EHHADH: variants seen among roughly 807,000 people sequenced by gnomAD.
EHHADH encodes the protein peroxisomal bifunctional enzyme.
In EHHADH, 48 loss-of-function variants were observed where a neutral mutation model predicts 64.4. The observed-to-expected ratio is 0.75, with a 90% CI of 0.59 to 0.95. EHHADH has a LOEUF of 0.95. Ranked by LOEUF, EHHADH falls within the 40% of genes least tolerant of loss-of-function variation. EHHADH has a pLI of 0.00. For synonymous variants in EHHADH, 308 were observed against 326.7 expected (o/e 0.94, Z 0.62); for missense variants, 854 against 876.6 (o/e 0.97, Z 0.33).
chr3:185,217,468 C>T (rs1718710270), intron 5 of EHHADH, among the ~76,000 whole-genome samples: 2 of 150,332 alleles, frequency 1.3e-5, no homozygotes, highest in Admixed American at 6.7e-5. Context: ...ATCACTTGAA[C>T]CCAGGAGGCA....
chr3:185,229,605 A>T lies in EHHADH; in HGVS notation c.352-62T>A, dbSNP rs74518275. 4.9e-4 allele frequency: 526 copies of T among 1,063,634 alleles called. 5 individuals are homozygous for T. The African/African-American group carries it at 6.8e-3, about 14-fold the overall frequency. 65.9% of individuals were successfully genotyped at this position (1,063,634 alleles called of 1,614,324 possible). A position where few individuals can be genotyped will look rare whatever the true frequency, so the allele number is the denominator to read the frequency against. Reference sequence around the variant, plus strand: ...AGATGGTATGTTCAGAGTTAAGGCAAGCGTTTCCCTGGATTTCCTGTATTC... The same window carrying T: ...AGATGGTATGTTCAGAGTTAAGGCATGCGTTTCCCTGGATTTCCTGTATTC... On this transcript the variant is annotated intron_variant, in intron 3 of 6. Coordinates refer to ENST00000231887, the MANE Select transcript of EHHADH (RefSeq NM_001966.4).
At chr3:185,248,581 T>C in intron 1 of EHHADH, 64 bp from the exon 2 acceptor site, 1 of 1,250,332 alleles carries the variant, frequency 8.0e-7, no homozygotes, top group Non-Finnish European at 1.1e-6. Context: ...TTCAGAGTGT[T>C]TTCCTTTCCT....
chr3:185,208,568 G>A (rs1222047004), intron 5 of EHHADH, among the ~76,000 whole-genome samples: 1 of 152,198 alleles, frequency 6.6e-6, no homozygotes, highest in Non-Finnish European at 1.5e-5. Context: ...CTCATACGTT[G>A]CTTCTGAGAG....
At chr3:185,219,488 C>A (rs1718779287) in intron 4 of EHHADH, among the ~76,000 whole-genome samples, 1 of 152,186 alleles carries the variant, frequency 6.6e-6, no homozygotes, top group South Asian at 2.1e-4. Context: ...CATTGGCATC[C>A]TCCAGTACAG....
At chr3:185,240,230 T>G (rs538709646) in intron 2 of EHHADH, among the ~76,000 whole-genome samples, 42 of 152,064 alleles carry the variant, frequency 2.8e-4, no homozygotes, top group Non-Finnish European at 5.3e-4. Flanking sequence ...TTTTGTTTTT[T>G]TTTTTTCTTG....
chr3:185,199,867 C>T (rs1718175996), intron 6 of EHHADH, among the ~76,000 whole-genome samples: 1 of 152,172 alleles, frequency 6.6e-6, no homozygotes, highest in Admixed American at 6.5e-5. Flanking sequence ...TGCCTCGGCC[C>T]CCCTAGTGGC....
intron 6 of EHHADH, among the ~76,000 whole-genome samples, chr3:185,200,931 A>G (rs1244035307): frequency 6.6e-6 from 1 of 152,194 alleles, no homozygotes; most frequent in African/African-American, 2.4e-5. Context: ...AGGGCAATGA[A>G]TCATGGAGTT....
At chr3:185,228,365 T>C (rs929631102) in intron 4 of EHHADH, among the ~76,000 whole-genome samples, 4 of 148,050 alleles carry the variant, frequency 2.7e-5, no homozygotes, top group African/African-American at 7.4e-5. Context: ...CATTCTCTAT[T>C]GAGAAAGAAC....
chr3:185,248,940 A>G (rs1388804704), intron 1 of EHHADH, among the ~76,000 whole-genome samples: 1 of 152,226 alleles, frequency 6.6e-6, no homozygotes, highest in African/African-American at 2.4e-5. Flanking sequence ...ACAAAGAAAA[A>G]GTGATGTTGA....
At chr3:185,225,002 G>A (rs1391528916) in intron 4 of EHHADH, among the ~76,000 whole-genome samples, 1 of 152,188 alleles carries the variant, frequency 6.6e-6, no homozygotes, top group African/African-American at 2.4e-5. Context: ...GGACATCTTT[G>A]GGGGCCAGAT....
chr3:185,219,112 AG>A, intron 4 of EHHADH, among the ~76,000 whole-genome samples: 1 of 152,236 alleles, frequency 6.6e-6, no homozygotes, highest in Admixed American at 6.5e-5. Context: ...AAAAAAATTA[AG>A]TTGACATTCT....
Position 185,246,482 on chromosome 3 carries a change from A to G in EHHADH, c.178+1932T>C, listed in dbSNP as rs78024896. 2,201 of 366,992 alleles carry G rather than the reference A, an allele frequency of 6.0e-3. 63 individuals carry two copies. Among genetic ancestry groups the G allele is most frequent in the African/African-American group, 0.045 (2,061 of 46,026 alleles). 22.7% of individuals were successfully genotyped at this position (366,992 alleles called of 1,614,324 possible). On this transcript the variant is annotated intron_variant, in intron 2 of 6. Transcript: ENST00000231887. ...GGGCTCCGCATGGATGGGAAGTCAGACAGGTCAGCCCCCAGGCCCCGTGGC... is the reference window on the plus strand; with the variant it reads ...GGGCTCCGCATGGATGGGAAGTCAGGCAGGTCAGCCCCCAGGCCCCGTGGC...
chr3:185,212,486 ACCATTGGAAATT>A (rs1417202079), intron 5 of EHHADH, among the ~76,000 whole-genome samples: 2 of 152,204 alleles, frequency 1.3e-5, no homozygotes, highest in African/African-American at 2.4e-5. Context: ...TGGAACCTTG[ACCATTGGAAATT>A]CCCTTTTCTC....
chr3:185,210,654 G>A (rs1233967827), intron 5 of EHHADH, among the ~76,000 whole-genome samples: 3 of 151,310 alleles, frequency 2.0e-5, no homozygotes, highest in East Asian at 3.9e-4. Flanking sequence ...AAAAAAAAGG[G>A]AATATTTAAA....
At chr3:185,219,647 G>T (rs776272533) in intron 4 of EHHADH, among the ~76,000 whole-genome samples, 1 of 152,106 alleles carries the variant, frequency 6.6e-6, no homozygotes, top group Non-Finnish European at 1.5e-5. Flanking sequence ...CCTACCCCAG[G>T]GTCAGAAGGA....
At chr3:185,198,005 C>T (rs754492058) in intron 6 of EHHADH, among the ~76,000 whole-genome samples, 3 of 152,142 alleles carry the variant, frequency 2.0e-5, no homozygotes, top group Non-Finnish European at 2.9e-5. Flanking sequence ...CCATGTTGGT[C>T]AGGCTGGTCT....
intron 4 of EHHADH, among the ~76,000 whole-genome samples, chr3:185,222,719 A>G (rs1037813859): frequency 6.6e-6 from 1 of 152,178 alleles, no homozygotes; most frequent in African/African-American, 2.4e-5. Context: ...ACGAAAATAG[A>G]TCTGATCTCA....
At chr3:185,204,259 T>A (rs1214805858) in intron 6 of EHHADH, among the ~76,000 whole-genome samples, 157 bp downstream of exon 6, 1 of 151,934 alleles carries the variant, frequency 6.6e-6, no homozygotes, top group Non-Finnish European at 1.5e-5. Flanking sequence ...AGGCCTCTCA[T>A]GTTAAAGAAG....
chr3:185,234,221 TCTAA>T (rs1179591840), intron 3 of EHHADH, among the ~76,000 whole-genome samples: 1 of 152,198 alleles, frequency 6.6e-6, no homozygotes, highest in Non-Finnish European at 1.5e-5. Flanking sequence ...ATCTGACATG[TCTAA>T]CAGCCTAAAT....
Sources: allele counts gnomAD v4.1 joint callset (sites outside exome capture counted in the v4.1 genomes callset), GRCh38; gene constraint gnomAD v4.1.1; transcripts MANE v1.5; gene names NCBI Gene and HGNC (gene_info 2026-07-23, HGNC 2026-07-21).